Variants in CCBE1 observed in about 807,000 individuals in gnomAD.
CCBE1 encodes collagen and calcium binding EGF domains 1, also known as collagen and calcium-binding EGF domain-containing protein 1.
In CCBE1, 37 loss-of-function variants were observed where a neutral mutation model predicts 50.0. That is an observed-to-expected ratio of 0.74 (90% CI 0.57 to 0.97). The LOEUF (loss-of-function observed/expected upper bound fraction) is 0.97. Ranked by LOEUF, CCBE1 falls within the 50% of genes least tolerant of loss-of-function variation. CCBE1 has a pLI of 0.00. For synonymous variants in CCBE1, 234 were observed against 203.7 expected, an observed-to-expected ratio of 1.15 and a Z score of -1.27; for missense variants, 538 against 523.8, an observed-to-expected ratio of 1.03 and a Z score of -0.26.
chr18:59,629,807 G>A (rs1484242053), intron 2 of CCBE1, among the ~76,000 whole-genome samples: 2 of 152,176 alleles, frequency 1.3e-5, no homozygotes, highest in Non-Finnish European at 2.9e-5. Context: ...CTTGTCGGGG[G>A]AAGGTGGGCC....
intron 2 of CCBE1, among the ~76,000 whole-genome samples, chr18:59,524,320 AAAAAC>A (rs1031097528): frequency 1.3e-5 from 2 of 152,336 alleles, no homozygotes; most frequent in Non-Finnish European, 2.9e-5. Context: ...ATCCTGTCTC[AAAAAC>A]AAAACAAAAC....
At chr18:59,540,513 G>C (rs1161910641) in intron 2 of CCBE1, among the ~76,000 whole-genome samples, 3 of 152,148 alleles carry the variant, frequency 2.0e-5, no homozygotes, top group Non-Finnish European at 2.9e-5. Flanking sequence ...AGGGGGTGTT[G>C]CTGTCATTCT....
chr18:59,439,034 C>A (rs1174935014), intron 9 of CCBE1, among the ~76,000 whole-genome samples: 2 of 152,152 alleles, frequency 1.3e-5, no homozygotes, highest in African/African-American at 4.8e-5. Context: ...CGCCTGTAAT[C>A]CCAGCACTTG....
intron 6 of CCBE1, among the ~76,000 whole-genome samples, chr18:59,454,071 C>T (rs1280202242): frequency 2.6e-5 from 4 of 152,114 alleles, no homozygotes; most frequent in Non-Finnish European, 4.4e-5. Flanking sequence ...CTATAATTTT[C>T]AAAAGTGAAA....
At chr18:59,455,746 C>T (rs1264954638) in intron 5 of CCBE1, among the ~76,000 whole-genome samples, 2 of 152,214 alleles carry the variant, frequency 1.3e-5, no homozygotes, top group East Asian at 3.8e-4. Flanking sequence ...GGACCTTGCA[C>T]AGACTGCCAA....
intron 2 of CCBE1, among the ~76,000 whole-genome samples, chr18:59,677,698 T>TA (rs368737063): frequency 2.5e-4 from 37 of 148,162 alleles, no homozygotes; most frequent in Middle Eastern, 3.5e-3. Flanking sequence ...ATTATCTCTT[T>TA]AAAAAAAAAA....
At chr18:59,666,210 G>T (rs1238652452) in intron 2 of CCBE1, 2 of 152,138 alleles carry the variant, frequency 1.3e-5, no homozygotes, top group Admixed American at 6.5e-5. Flanking sequence ...ATCAGATCTC[G>T]TGAGACTTAT....
At chr18:59,672,257 C>G (rs143208359) in intron 2 of CCBE1, among the ~76,000 whole-genome samples, 1 of 152,168 alleles carries the variant, frequency 6.6e-6, no homozygotes, top group Admixed American at 6.5e-5. Context: ...GTGCAGATGA[C>G]AGTGGTAGAT....
intron 3 of CCBE1, among the ~76,000 whole-genome samples, chr18:59,478,199 G>A (rs762609669): frequency 1.3e-5 from 2 of 152,066 alleles, no homozygotes; most frequent in Non-Finnish European, 2.9e-5. Context: ...TTTTGGACTT[G>A]CATCTCCACA....
intron 3 of CCBE1, among the ~76,000 whole-genome samples, chr18:59,471,990 C>T (rs1482639936): frequency 6.6e-6 from 1 of 152,220 alleles, no homozygotes; most frequent in Admixed American, 6.5e-5. Flanking sequence ...TAGTGAGCTC[C>T]TGTGTCTACC....
At chr18:59,463,275 C>T (rs536609083) in intron 5 of CCBE1, among the ~76,000 whole-genome samples, 2 of 152,282 alleles carry the variant, frequency 1.3e-5, no homozygotes, top group South Asian at 4.1e-4. Flanking sequence ...CTTGTCACTG[C>T]ACTCTGACCC....
chr18:59,693,005 A>C lies in CCBE1; in HGVS notation c.212+3624T>G, dbSNP rs868588585. ...ACACACACACACACACACACACACA[A>C]ACAAAAAACGCAAAGCCAAACCTAT... On this transcript the variant is annotated intron_variant, in intron 2 of 10. Transcript: ENST00000439986. Among the ~76,000 whole-genome samples, 687 of 142,098 alleles carry C rather than the reference A, an allele frequency of 4.8e-3. 5 individuals carry two copies. Among genetic ancestry groups the C allele is most frequent in the South Asian group, 0.01 (42 of 4,164 alleles). The allele number at this position is 142,098 out of a possible 152,430, so 93.2% of individuals were successfully genotyped here.
intron 2 of CCBE1, among the ~76,000 whole-genome samples, chr18:59,487,887 T>G (rs551849003): frequency 7.9e-5 from 12 of 152,306 alleles, no homozygotes; most frequent in African/African-American, 2.9e-4. Flanking sequence ...AAACAGATAT[T>G]TGTACACCAA....
intron 2 of CCBE1, among the ~76,000 whole-genome samples, chr18:59,643,825 G>T (rs2054020987): frequency 6.6e-6 from 1 of 151,146 alleles, no homozygotes; most frequent in Non-Finnish European, 1.5e-5. Context: ...GTCTCAGAAT[G>T]CGGGGTGGGG....
intron 2 of CCBE1, among the ~76,000 whole-genome samples, chr18:59,514,688 C>T (rs1914293164): frequency 6.7e-6 from 1 of 148,222 alleles, no homozygotes; most frequent in South Asian, 2.2e-4. Flanking sequence ...ATCTAAGCGG[C>T]ATCTGCTGAC....
chr18:59,471,329 CCT>C (rs1912024951), intron 3 of CCBE1, among the ~76,000 whole-genome samples: 1 of 152,160 alleles, frequency 6.6e-6, no homozygotes, highest in Non-Finnish European at 1.5e-5. Flanking sequence ...TATTTTAAAT[CCT>C]CTCTATTGAC....
intron 2 of CCBE1, among the ~76,000 whole-genome samples, chr18:59,675,409 T>A (rs1179854515): frequency 1.3e-5 from 2 of 152,100 alleles, no homozygotes; most frequent in African/African-American, 4.8e-5. Flanking sequence ...CAAGCAACAA[T>A]AACTAAAACC....
At chr18:59,437,603 A>G (rs1277839950) in intron 10 of CCBE1, among the ~76,000 whole-genome samples, 2 of 152,198 alleles carry the variant, frequency 1.3e-5, no homozygotes. Context: ...TTTGAATACT[A>G]CTATTTCTCA....
intron 2 of CCBE1, among the ~76,000 whole-genome samples, chr18:59,573,824 G>A (rs2052952877): frequency 6.6e-6 from 1 of 152,008 alleles, no homozygotes. Context: ...GATTCCATTT[G>A]GTATATTAAA....
Sources: allele counts gnomAD v4.1 joint callset (sites outside exome capture counted in the v4.1 genomes callset), GRCh38; gene constraint gnomAD v4.1.1; transcripts MANE v1.5; gene names NCBI Gene and HGNC (gene_info 2026-07-23, HGNC 2026-07-21).